SLC17A9: variants seen among roughly 807,000 people sequenced by gnomAD.
SLC17A9 encodes the protein voltage-gated purine nucleotide uniporter SLC17A9.
Under a neutral mutation model 55.0 loss-of-function variants are expected in SLC17A9, and 49 were observed. The observed-to-expected ratio is 0.89, with a 90% CI of 0.71 to 1.13. The LOEUF (loss-of-function observed/expected upper bound fraction) is 1.13. SLC17A9 is among the 50% of genes most tolerant of loss of function. The pLI is 0.00. For missense variants in SLC17A9, 526 were observed against 569.3 expected, an observed-to-expected ratio of 0.92 and a Z score of 0.77; for synonymous variants, 256 against 247.4, an observed-to-expected ratio of 1.03 and a Z score of -0.32.
chr20:62,962,755 G>T lies in SLC17A9; in HGVS notation c.628+1G>T. 1 of 1,613,722 alleles carries T rather than the reference G, an allele frequency of 6.2e-7. No homozygotes were observed. Among genetic ancestry groups the T allele is most frequent in the Non-Finnish European group, 8.5e-7 (1 of 1,179,768 alleles). On this transcript the variant is annotated splice_donor_variant, in intron 5 of 12. Transcript: ENST00000370351. LOFTEE classifies it high-confidence loss of function. The surrounding 1 kb of genome is among the most constrained non-coding windows in gnomAD (Gnocchi z 5.5). ...TACAGGTACCTGCTGAGTGAAAAAG[G>T]TAACGCAGGCCGGGCGGGCTAGTCC...
At chr20:62,967,177 C>A (rs1459576407) in intron 12 of SLC17A9, 160 bp from the exon 13 acceptor site, 18 of 840,000 alleles carry the variant, frequency 2.1e-5, no homozygotes, top group Middle Eastern at 3.7e-4. Flanking sequence ...CTGAGCCTGA[C>A]CCACAGCTGG....
At chr20:62,966,640 T>C in intron 11 of SLC17A9, 60 bp downstream of exon 11, 3 of 1,613,838 alleles carry the variant, frequency 1.9e-6, no homozygotes, top group Non-Finnish European at 8.5e-7. Context: ...GGGTGAGCCA[T>C]GGGGGATCCC....
chr20:62,956,337 G>A (rs553127408), intron 1 of SLC17A9, among the ~76,000 whole-genome samples: 34 of 152,300 alleles, frequency 2.2e-4, no homozygotes, highest in Admixed American at 8.5e-4. Flanking sequence ...GCACACACCC[G>A]GGGTGCAGCC....
At chr20:62,963,843 G>A (rs1211257967) in intron 7 of SLC17A9, 163 bp downstream of exon 7, 5 of 664,478 alleles carry the variant, frequency 7.5e-6, no homozygotes, top group South Asian at 3.8e-5. Flanking sequence ...AGAGGACCCC[G>A]TCCATGCTCG....
At chr20:62,960,444 A>C (rs1424796599) in intron 3 of SLC17A9, 60 bp from the exon 4 acceptor site, 1 of 1,508,236 alleles carries the variant, frequency 6.6e-7, no homozygotes, top group Admixed American at 1.9e-5. Flanking sequence ...ACCTGAGCAG[A>C]TAGGCCGGGA....
chr20:62,967,667 GA>G lies in SLC17A9; in HGVS notation c.*168del. 6 of 447,356 alleles carry G rather than the reference GA, an allele frequency of 1.3e-5. No homozygotes were observed. The highest frequency in any genetic ancestry group is 3.0e-5 in the South Asian group (1 of 33,434). The allele number at this position is 447,356 out of a possible 1,614,324, so 27.7% of individuals were successfully genotyped here. ...AAGAAGAGTCCACAACAGCTGGTGG[GA>G]GGGTGGGGTGGGCCTGGGTCCAGAC... On this transcript the variant is annotated 3_prime_UTR_variant, in exon 13 of 13. Coordinates refer to ENST00000370351, the MANE Select transcript of SLC17A9 (RefSeq NM_022082.4).
intron 1 of SLC17A9, 96 bp from the exon 2 acceptor site, chr20:62,956,669 C>T: frequency 8.6e-7 from 1 of 1,167,184 alleles, no homozygotes; most frequent in East Asian, 2.6e-5. Flanking sequence ...ATTCACAGTC[C>T]ATGTCCCCCA....
rs116855164 is a variant in SLC17A9, at chr20:62,955,850, G to C, written c.60-915G>C. On this transcript the variant is annotated intron_variant, in intron 1 of 12. Transcript: ENST00000370351. ...GCAGTGAGGACTGTGTCCTTCTGTGGTAACCCAGGGAGCAGCCAGATATGG... is the reference window on the plus strand; with the variant it reads ...GCAGTGAGGACTGTGTCCTTCTGTGCTAACCCAGGGAGCAGCCAGATATGG... 4.7e-3 allele frequency among the ~76,000 whole-genome samples: 709 copies of C among 152,340 alleles called. 2 individuals are homozygous for C. The highest frequency in any genetic ancestry group is 7.3e-3 in the Non-Finnish European group (499 of 68,030).
chr20:62,955,805 G>T (rs556969729), intron 1 of SLC17A9, among the ~76,000 whole-genome samples: 1 of 152,372 alleles, frequency 6.6e-6, no homozygotes, highest in East Asian at 1.9e-4. Flanking sequence ...GGCCAGGGCT[G>T]TACTGGGTTA....
At chr20:62,957,858 C>T (rs549439197) in intron 3 of SLC17A9, among the ~76,000 whole-genome samples, 17 of 92,716 alleles carry the variant, frequency 1.8e-4, no homozygotes, top group East Asian at 5.7e-4. Context: ...TGTGCGTGTG[C>T]GTGTGCAAGT....
Position 62,963,167 on chromosome 20 carries a change from G to A in SLC17A9, c.629-106G>A, listed in dbSNP as rs1440606254. 12 of 1,162,982 alleles carry A rather than the reference G, an allele frequency of 1.0e-5. No homozygotes were observed. The Admixed American group carries it at 1.2e-4, about 12-fold the overall frequency. The allele number at this position is 1,162,982 out of a possible 1,614,324, so 72.0% of individuals were successfully genotyped here. On this transcript the variant is annotated intron_variant, in intron 5 of 12. Transcript: ENST00000370351. ...CCCATGTGCAACCTGAGGCATGGAC[G>A]AGGCCTGCTGACCCCTCTGGAACCA...
At chr20:62,957,874 T>G (rs1482316986) in intron 3 of SLC17A9, among the ~76,000 whole-genome samples, 2 of 149,734 alleles carry the variant, frequency 1.3e-5, no homozygotes, top group Middle Eastern at 3.5e-3. Flanking sequence ...CAAGTGTGTG[T>G]ATGGGCATGC....
chr20:62,967,221 T>G (rs2065648795), intron 12 of SLC17A9, 116 bp from the exon 13 acceptor site: 5 of 1,250,168 alleles, frequency 4.0e-6, no homozygotes, highest in Non-Finnish European at 5.6e-6. Flanking sequence ...CCATGGGGGC[T>G]CCTATCAGGC....
In SLC17A9 at chr20:62,958,675, G is replaced by A. The variant is rs1397419587; in HGVS notation, c.397+1095G>A. Among the ~76,000 whole-genome samples, 1 of 152,128 alleles carries A rather than the reference G, an allele frequency of 6.6e-6. No homozygotes were observed. The highest frequency in any genetic ancestry group is 6.5e-5 in the Admixed American group (1 of 15,274). On this transcript the variant is annotated intron_variant, in intron 3 of 12. Coordinates refer to ENST00000370351, the MANE Select transcript of SLC17A9 (RefSeq NM_022082.4). The surrounding 1 kb of genome is among the most constrained non-coding windows in gnomAD (Gnocchi z 4.1). The stretch of plus-strand genomic sequence containing the variant: ...TGGCCATGGCTCCCCTAGAACCTCT[G>A]CCCTCCCTCTCCTCCAAGTCCAGAG...
rs975335940 is a variant in SLC17A9 at position 62,966,433 on chromosome 20, G to A, written c.1062-92G>A. 1.3e-5 allele frequency: 19 copies of A among 1,439,174 alleles called. No individual in the cohort carries two copies. The East Asian group carries it at 1.4e-4, about 10-fold the overall frequency. The allele number at this position is 1,439,174 out of a possible 1,614,324, so 89.2% of individuals were successfully genotyped here. A position where few individuals can be genotyped will look rare whatever the true frequency, so the allele number is the denominator to read the frequency against. On this transcript the variant is annotated intron_variant, in intron 10 of 12. Transcript: ENST00000370351. Reference sequence around the variant, plus strand: ...GTCCCAGCCCCTCCCGTGGCTCCACGAGACCTTGCTTCCCCGCTTCCCCTG... The same window carrying A: ...GTCCCAGCCCCTCCCGTGGCTCCACAAGACCTTGCTTCCCCGCTTCCCCTG...
intron 10 of SLC17A9, 85 bp downstream of exon 10, chr20:62,965,810 C>A: frequency 7.8e-7 from 1 of 1,285,960 alleles, no homozygotes; most frequent in Non-Finnish European, 1.1e-6. Context: ...GCTCTGTCCG[C>A]CTCTCTCAGT....
chr20:62,957,850 TGC>T lies in SLC17A9; in HGVS notation c.397+272_397+273del, dbSNP rs1218374152. Among the ~76,000 whole-genome samples, 18 of 113,766 alleles carry T rather than the reference TGC, an allele frequency of 1.6e-4. 2 individuals are homozygous for T. In the East Asian group the frequency reaches 1.7e-3, roughly 11 times the overall value. 74.6% of individuals were successfully genotyped at this position (113,766 alleles called of 152,430 possible). A position where few individuals can be genotyped will look rare whatever the true frequency, so the allele number is the denominator to read the frequency against. ...ATGCCCGCGTGCATGCGTGCACCTGTGCGTGTGCGTGTGCAAGTGTGTGTATG... is the reference window on the plus strand; with the variant it reads ...ATGCCCGCGTGCATGCGTGCACCTGTGTGTGCGTGTGCAAGTGTGTGTATG... On this transcript the variant is annotated intron_variant, in intron 3 of 12. Coordinates refer to ENST00000370351, the MANE Select transcript of SLC17A9 (RefSeq NM_022082.4).
chr20:62,966,888 C>A, intron 12 of SLC17A9, 156 bp downstream of exon 12: 1 of 938,858 alleles, frequency 1.1e-6, no homozygotes, highest in Non-Finnish European at 1.6e-6. Context: ...GAGGATGGGG[C>A]TGCCTTCCAG....
intron 4 of SLC17A9, 70 bp downstream of exon 4, chr20:62,960,673 C>A: frequency 6.9e-7 from 1 of 1,447,814 alleles, no homozygotes; most frequent in South Asian, 1.2e-5. Context: ...GGCCCCTGGT[C>A]TGCGTGGGGG....
Sources: gnomAD v4.1 joint callset for allele counts (sites outside exome capture counted in the v4.1 genomes callset) on GRCh38, gnomAD v4.1.1 for gene constraint, Gnocchi (gnomAD v3.1) non-coding constraint, MANE v1.5 for transcripts, NCBI Gene and HGNC (gene_info 2026-07-23, HGNC 2026-07-21) for gene names.